Variants in RP1 observed in about 807,000 individuals in gnomAD.
RP1 encodes the protein oxygen-regulated protein 1.
Under a neutral mutation model 14.8 loss-of-function variants are expected in RP1, and 16 were observed. The ratio of observed to expected loss-of-function variants is 1.08; its 90% CI spans 0.73 to 1.65. RP1 has a LOEUF of 1.65. Ranked by LOEUF, RP1 falls within the 40% of genes most tolerant of loss-of-function variation. The probability of loss-of-function intolerance (pLI) is 0.00; values close to 1 mark genes in which losing one functional copy is unlikely to be tolerated. For synonymous variants in RP1, 876 were observed against 883.6 expected, an observed-to-expected ratio of 0.99 and a Z score of 0.15; for missense variants, 2,631 against 2,535.0, an observed-to-expected ratio of 1.04 and a Z score of -0.81.
chr8:54,797,871 AC>A (rs1810611808), intron 24 of RP1, among the ~76,000 whole-genome samples: 4 of 98,804 alleles, frequency 4.0e-5, no homozygotes, highest in Admixed American at 1.1e-4. Flanking sequence ...TTGTTTCCCA[AC>A]CTTTTTTTTT....
At chr8:54,837,502 A>G in exon 25 of RP1, 1 of 1,231,788 alleles carries the variant, frequency 8.1e-7, no homozygotes, top group East Asian at 3.2e-5. Flanking sequence ...GGACATGACA[A>G]CACTGGAAAG....
At chr8:54,792,444 A>T (rs946529053) in intron 24 of RP1, among the ~76,000 whole-genome samples, 5 of 151,946 alleles carry the variant, frequency 3.3e-5, no homozygotes, top group African/African-American at 1.2e-4. Flanking sequence ...TCCAGGATAG[A>T]TCATATGTTA....
chr8:54,655,916 T>G (rs1294953462), intron 5 of RP1, among the ~76,000 whole-genome samples: 2 of 152,118 alleles, frequency 1.3e-5, no homozygotes, highest in African/African-American at 4.8e-5. Context: ...GAAATGCCAT[T>G]GTACCTGAGA....
chr8:54,741,703 GTGTGTATATATATATATATA>G (rs973960648), intron 19 of RP1, among the ~76,000 whole-genome samples: 12 of 87,742 alleles, frequency 1.4e-4, no homozygotes, highest in African/African-American at 7.2e-4. Context: ...ATACAAATGT[GTGTGTATATATATATATATA>G]TATATATATA....
intron 4 of RP1, chr8:54,652,708 G>T: frequency 1.0e-6 from 1 of 980,082 alleles, no homozygotes; most frequent in Non-Finnish European, 1.6e-6. Context: ...AACATTTCAT[G>T]TCCTAATCTG....
chr8:54,599,758 G>A (rs1805231906), intron 1 of RP1, among the ~76,000 whole-genome samples: 1 of 152,156 alleles, frequency 6.6e-6, no homozygotes, highest in South Asian at 2.1e-4. Flanking sequence ...CTGACTGAAT[G>A]TCTTTTGTCA....
At chr8:54,585,483 G>A (rs977157408) in intron 1 of RP1, among the ~76,000 whole-genome samples, 70 of 152,236 alleles carry the variant, frequency 4.6e-4, no homozygotes, top group African/African-American at 1.5e-3. Flanking sequence ...TCTTGGAGTT[G>A]CTCTTCTCGA....
chr8:54,670,966 G>A (rs576328374), intron 7 of RP1, among the ~76,000 whole-genome samples: 5 of 151,510 alleles, frequency 3.3e-5, no homozygotes, highest in Non-Finnish European at 5.9e-5. Flanking sequence ...ACTTCATGTT[G>A]CTATCTAGTG....
At chr8:54,648,852 G>A (rs1806600970) in intron 3 of RP1, 1 of 513,106 alleles carries the variant, frequency 1.9e-6, no homozygotes, top group East Asian at 3.2e-5. Flanking sequence ...CTTCTGTTAT[G>A]GCACTTTTTC....
intron 1 of RP1, among the ~76,000 whole-genome samples, chr8:54,579,003 A>AT (rs1804721143): frequency 6.6e-6 from 1 of 152,174 alleles, no homozygotes; most frequent in Admixed American, 6.5e-5. Context: ...AGCAATTTCT[A>AT]TTTTTTTAGT....
intron 6 of RP1, among the ~76,000 whole-genome samples, chr8:54,661,262 T>TATATATG (rs1182181481): frequency 2.4e-3 from 92 of 37,672 alleles, no homozygotes; most frequent in African/African-American, 8.4e-3. Context: ...ATATAAATGA[T>TATATATG]ATATATAAAT....
chr8:54,769,581 A>G (rs1159734262), intron 22 of RP1, among the ~76,000 whole-genome samples: 1 of 152,198 alleles, frequency 6.6e-6, no homozygotes, highest in Non-Finnish European at 1.5e-5. Flanking sequence ...GTGTAATAGG[A>G]TGGATTGTGT....
rs115566701 is a variant in RP1 at position 54,709,548 on chromosome 8, C to T, written c.2211+2893C>T. Among the ~76,000 whole-genome samples, 811 of 152,258 alleles carry T rather than the reference C, an allele frequency of 5.3e-3. 4 individuals are homozygous for T. Among genetic ancestry groups the T allele is most frequent in the African/African-American group, 0.019 (776 of 41,550 alleles). On this transcript the variant is annotated intron_variant, in intron 15 of 22. Transcript: ENST00000636932. ...AAGCCAGAGGCATTTATTCTGTTTGCTTTGGGGAAGAGATAGCCAAAATGG... is the reference window on the plus strand; with the variant it reads ...AAGCCAGAGGCATTTATTCTGTTTGTTTTGGGGAAGAGATAGCCAAAATGG...
chr8:54,751,833 G>T (rs912679236), intron 19 of RP1, among the ~76,000 whole-genome samples: 1 of 151,914 alleles, frequency 6.6e-6, no homozygotes, highest in African/African-American at 2.4e-5. Context: ...TTTCTGTTTC[G>T]AGCCATCATG....
chr8:54,628,573 T>G lies in RP1; in HGVS notation c.4691T>G (p.Val1564Gly). 6.2e-7 allele frequency: 1 copy of G among 1,613,804 alleles called. No homozygotes were observed. Among genetic ancestry groups the G allele is most frequent in the Non-Finnish European group, 8.5e-7 (1 of 1,179,896 alleles). ...EGETKMVKMM[V>G]KTMETGSYSE... is the part of the protein sequence containing the mutation. The stretch of plus-strand genomic sequence containing the variant: ...GAAACTAAGATGGTAAAAATGATGG[T>G]GAAAACTATGGAAACTGGAAGTTAT... The change falls in exon 4 of 4, where the codon GTG becomes GGG. Residue 1564 changes from valine to glycine, a missense_variant. Physicochemically the swap from Val to Gly is moderately radical, Grantham distance 109. Coordinates refer to ENST00000220676, the MANE Select transcript of RP1 (RefSeq NM_006269.2).
intron 3 of RP1, among the ~76,000 whole-genome samples, chr8:54,641,878 C>A (rs1434482675): frequency 6.6e-6 from 1 of 152,144 alleles, no homozygotes; most frequent in African/African-American, 2.4e-5. Context: ...TTTAACTTAT[C>A]TAAAATCAAG....
chr8:54,714,905 C>A (rs1808365684), intron 15 of RP1, among the ~76,000 whole-genome samples: 1 of 152,228 alleles, frequency 6.6e-6, no homozygotes, highest in South Asian at 2.1e-4. Flanking sequence ...TTTCCCCTAT[C>A]AGGGGCAAAT....
At chr8:54,644,376 A>G (rs1806505378) in intron 3 of RP1, among the ~76,000 whole-genome samples, 1 of 152,124 alleles carries the variant, frequency 6.6e-6, no homozygotes, top group African/African-American at 2.4e-5. Flanking sequence ...TCTGGCCCTC[A>G]GAGTCATTTG....
At chr8:54,823,166 T>C (rs1252843204) in intron 24 of RP1, among the ~76,000 whole-genome samples, 5 of 152,076 alleles carry the variant, frequency 3.3e-5, no homozygotes, top group Admixed American at 6.6e-5. Flanking sequence ...GAGAAAGCCC[T>C]CCCCGGTGGG....
Sources: allele counts gnomAD v4.1 joint callset (sites outside exome capture counted in the v4.1 genomes callset), GRCh38; gene constraint gnomAD v4.1.1; transcripts MANE v1.5; gene names NCBI Gene and HGNC (gene_info 2026-07-23, HGNC 2026-07-21).